TMEM232: variants seen among roughly 807,000 people sequenced by gnomAD.
TMEM232 encodes transmembrane protein 232.
Under a neutral mutation model 78.8 loss-of-function variants are expected in TMEM232, and 80 were observed. That is an observed-to-expected ratio of 1.01 (90% CI 0.85 to 1.22). The LOEUF (loss-of-function observed/expected upper bound fraction) is 1.22. TMEM232 is among the 50% of genes most tolerant of loss of function. The probability of loss-of-function intolerance (pLI) is 0.00; values close to 1 mark genes in which losing one functional copy is unlikely to be tolerated. For missense variants in TMEM232, 881 were observed against 742.2 expected, an observed-to-expected ratio of 1.19 and a Z score of -2.17; for synonymous variants, 297 against 254.3, an observed-to-expected ratio of 1.17 and a Z score of -1.60.
intron 5 of TMEM232, among the ~76,000 whole-genome samples, chr5:110,629,762 G>T (rs1382228686): frequency 6.6e-6 from 1 of 151,946 alleles, no homozygotes; most frequent in African/African-American, 2.4e-5. Flanking sequence ...ATAGAATCTT[G>T]ACGATCACTG....
intron 2 of TMEM232, among the ~76,000 whole-genome samples, chr5:110,406,265 T>TAC (rs70999966): frequency 0.046 from 6,571 of 143,514 alleles, 165 homozygotes; most frequent in South Asian, 0.061. Context: ...CAGATATATA[T>TAC]ACACACACAC....
chr5:110,733,600 C>T (rs1798888889), intron 2 of TMEM232, among the ~76,000 whole-genome samples: 1 of 152,076 alleles, frequency 6.6e-6, no homozygotes, highest in Admixed American at 6.5e-5. Flanking sequence ...CAAAATACCG[C>T]ATGTTCTCAC....
chr5:110,646,679 G>C (rs1384299147), intron 2 of TMEM232, among the ~76,000 whole-genome samples: 1 of 151,738 alleles, frequency 6.6e-6, no homozygotes, highest in Non-Finnish European at 1.5e-5. Context: ...AGCAAAACTA[G>C]ACAAGTGGGA....
At chr5:110,388,389 G>C (rs181584753) in intron 4 of TMEM232, among the ~76,000 whole-genome samples, 3 of 152,048 alleles carry the variant, frequency 2.0e-5, no homozygotes, top group Non-Finnish European at 4.4e-5. Flanking sequence ...TATTCCTATC[G>C]GCACAACTGC....
chr5:110,737,834 G>C (rs188306411), intron 1 of TMEM232, among the ~76,000 whole-genome samples: 1 of 151,904 alleles, frequency 6.6e-6, no homozygotes, highest in Non-Finnish European at 1.5e-5. Context: ...TTACTATATG[G>C]ACATTTAAAT....
chr5:110,473,890 CAAAAAAAAAAAAA>C (rs61351197), intron 12 of TMEM232, among the ~76,000 whole-genome samples: 1 of 14,222 alleles, frequency 7.0e-5, no homozygotes, highest in African/African-American at 2.4e-4. Flanking sequence ...AGCCAGACAC[CAAAAAAAAAAAAA>C]AAAAAAAAAA....
At chr5:110,665,352 G>T (rs1790415700) in intron 2 of TMEM232, among the ~76,000 whole-genome samples, 1 of 152,108 alleles carries the variant, frequency 6.6e-6, no homozygotes, top group African/African-American at 2.4e-5. Flanking sequence ...GGCCAACTCT[G>T]TCTCTGTATT....
At chr5:110,610,379 C>A in intron 8 of TMEM232, 1 of 183,318 alleles carries the variant, frequency 5.5e-6, no homozygotes, top group South Asian at 8.8e-5. Context: ...TGCAAGTATT[C>A]ATGAGAAATA....
chr5:110,411,317 A>G (rs899149768), intron 2 of TMEM232, among the ~76,000 whole-genome samples: 1 of 152,144 alleles, frequency 6.6e-6, no homozygotes, highest in Non-Finnish European at 1.5e-5. Flanking sequence ...ACTCTTTTCC[A>G]GGGGTTCAAT....
downstream of TMEM232, among the ~76,000 whole-genome samples, chr5:110,416,575 C>A (rs1756223153): frequency 6.6e-6 from 1 of 152,158 alleles, no homozygotes; most frequent in African/African-American, 2.4e-5. Context: ...AATCAGCTAA[C>A]TTTGAAATTT....
intron 10 of TMEM232, among the ~76,000 whole-genome samples, chr5:110,594,178 T>A (rs903904878): frequency 1.3e-5 from 2 of 151,658 alleles, no homozygotes; most frequent in African/African-American, 2.4e-5. Flanking sequence ...TGGTGGGGCA[T>A]TGCCTCACCC....
chr5:110,656,007 GAACTAACCTGC>G (rs1561463311), intron 2 of TMEM232, among the ~76,000 whole-genome samples: 1 of 151,446 alleles, frequency 6.6e-6, no homozygotes. Context: ...GTATACATAT[GAACTAACCTGC>G]ACATTGTGCA....
chr5:110,500,984 A>C (rs1766206292), intron 12 of TMEM232, among the ~76,000 whole-genome samples: 1 of 152,188 alleles, frequency 6.6e-6, no homozygotes, highest in African/African-American at 2.4e-5. Context: ...AAGATACAAA[A>C]TGATGTGGTT....
At chr5:110,472,768 C>T (rs911672056) in intron 12 of TMEM232, among the ~76,000 whole-genome samples, 1 of 151,998 alleles carries the variant, frequency 6.6e-6, no homozygotes, top group East Asian at 1.9e-4. Flanking sequence ...GAAATAAACC[C>T]ATAGCTCTTA....
At chr5:110,628,131 T>A (rs1266730660) in intron 5 of TMEM232, among the ~76,000 whole-genome samples, 1 of 152,160 alleles carries the variant, frequency 6.6e-6, no homozygotes, top group African/African-American at 2.4e-5. Flanking sequence ...TATTTTGTTC[T>A]ATGCCCTTTA....
At chr5:110,579,963 T>C (rs896523207) in intron 10 of TMEM232, among the ~76,000 whole-genome samples, 64 of 151,512 alleles carry the variant, frequency 4.2e-4, no homozygotes, top group African/African-American at 1.5e-3. Flanking sequence ...AAGTAAGGCA[T>C]GGAAAAGACA....
At chr5:110,413,166 G>C (rs1381728417) in intron 2 of TMEM232, among the ~76,000 whole-genome samples, 2 of 152,126 alleles carry the variant, frequency 1.3e-5, no homozygotes, top group African/African-American at 4.8e-5. Flanking sequence ...TCAGCTGCCA[G>C]TGCAGCTAGA....
chr5:110,603,370 C>T (rs1007245907), intron 10 of TMEM232, among the ~76,000 whole-genome samples: 1 of 151,960 alleles, frequency 6.6e-6, no homozygotes, highest in Non-Finnish European at 1.5e-5. Flanking sequence ...TCCACAGAAA[C>T]GTGCAATCCC....
intron 12 of TMEM232, among the ~76,000 whole-genome samples, chr5:110,449,501 T>A (rs1760030496): frequency 6.6e-6 from 1 of 151,998 alleles, no homozygotes; most frequent in African/African-American, 2.4e-5. Context: ...TTTAAAAGAA[T>A]TCCTTCTCTA....
Sources: gnomAD v4.1 joint callset for allele counts (sites outside exome capture counted in the v4.1 genomes callset) on GRCh38, gnomAD v4.1.1 for gene constraint, MANE v1.5 for transcripts, NCBI Gene and HGNC (gene_info 2026-07-23, HGNC 2026-07-21) for gene names.